Variants in CASP4 observed in about 807,000 individuals in gnomAD.
CASP4 encodes the protein caspase-4.
A neutral mutation model predicts 41.3 loss-of-function variants in CASP4; 29 were observed. The observed-to-expected ratio is 0.70, with a 90% CI of 0.52 to 0.96. The LOEUF (loss-of-function observed/expected upper bound fraction) is 0.96. Ranked by LOEUF, CASP4 falls within the 40% of genes least tolerant of loss-of-function variation. The pLI is 0.00. For synonymous variants in CASP4, 185 were observed against 158.4 expected, an observed-to-expected ratio of 1.17 and a Z score of -1.26; for missense variants, 447 against 460.6, an observed-to-expected ratio of 0.97 and a Z score of 0.27.
At chr11:104,943,187 C>T (rs1860366661) in intron 8 of CASP4, 1 of 328,120 alleles carries the variant, frequency 3.0e-6, no homozygotes, top group South Asian at 2.6e-5. Flanking sequence ...ACTAGAAAGG[C>T]TTCCTGTCTC....
chr11:104,967,744 C>T (rs1944900), intron 1 of CASP4, among the ~76,000 whole-genome samples: 39,946 of 151,914 alleles, frequency 0.26, 6,593 homozygotes, highest in African/African-American at 0.46. Context: ...CAGATTGCTG[C>T]GATATGTTAT....
At chr11:104,949,882 G>A (rs568311553) in intron 4 of CASP4, 105 bp from the exon 5 acceptor site, 18 of 1,061,932 alleles carry the variant, frequency 1.7e-5, no homozygotes, top group African/African-American at 3.1e-5. Context: ...CATCCAGGTC[G>A]TGGTGCTTCA....
intron 2 of CASP4, 136 bp downstream of exon 2, chr11:104,954,611 G>A: frequency 1.2e-6 from 1 of 856,394 alleles, no homozygotes; most frequent in Non-Finnish European, 1.8e-6. Context: ...GTCTCTAAAA[G>A]GACAAAGATA....
chr11:104,957,500 A>G (rs1400384938), intron 1 of CASP4, among the ~76,000 whole-genome samples: 1 of 152,138 alleles, frequency 6.6e-6, no homozygotes, highest in African/African-American at 2.4e-5. Context: ...TAAGCCCAGG[A>G]ATTTGAGATT....
At chr11:104,949,810 G>A in intron 4 of CASP4, 33 bp from the exon 5 acceptor site, 1 of 1,596,566 alleles carries the variant, frequency 6.3e-7, no homozygotes, top group Non-Finnish European at 8.6e-7. Context: ...TTCAGTCAGA[G>A]AAGCATCACA....
At chr11:104,947,293 G>T in intron 6 of CASP4, 101 bp from the exon 7 acceptor site, 1 of 649,962 alleles carries the variant, frequency 1.5e-6, no homozygotes. Context: ...AGCATAGCTT[G>T]GGAATTATCT....
chr11:104,959,734 A>T (rs61507316), intron 1 of CASP4, among the ~76,000 whole-genome samples: 2,645 of 152,234 alleles, frequency 0.017, 87 homozygotes, highest in African/African-American at 0.061. Flanking sequence ...TACTCCAAGT[A>T]CAAAAGAGCA....
chr11:104,968,043 C>T (rs1236700430), intron 1 of CASP4, among the ~76,000 whole-genome samples: 1 of 151,798 alleles, frequency 6.6e-6, no homozygotes, highest in African/African-American at 2.4e-5. Flanking sequence ...AGTATCAGGA[C>T]CAACGAGAAA....
chr11:104,952,797 G>A (rs954225779), intron 2 of CASP4, among the ~76,000 whole-genome samples: 1 of 152,174 alleles, frequency 6.6e-6, no homozygotes, highest in Non-Finnish European at 1.5e-5. Flanking sequence ...CAGCCAGTCT[G>A]AGCTCTGGAG....
At chr11:104,950,534 C>T (rs1860581552) in intron 4 of CASP4, among the ~76,000 whole-genome samples, 1 of 152,026 alleles carries the variant, frequency 6.6e-6, no homozygotes, top group Non-Finnish European at 1.5e-5. Context: ...GTCTCATTTA[C>T]AGACCTATTC....
In CASP4 at chr11:104,954,972, C is replaced by G. The variant is rs750903321; in HGVS notation, c.37G>C (p.Val13Leu). Residue 13 changes from valine to leucine, a missense_variant, in exon 2 of 9, where the codon GTG (valine) becomes CTG (leucine). Transcript: ENST00000444739. ...EGNHRKKPLK[V>L]LESLGKDFLT... ...AAATCTTTGCCCAGGGATTCCAACACCTTAAGTGGCTTTTTTCTGTGGTTG... is the reference window on the plus strand; with the variant it reads ...AAATCTTTGCCCAGGGATTCCAACAGCTTAAGTGGCTTTTTTCTGTGGTTG... 6.2e-7 allele frequency: 1 copy of G among 1,613,346 alleles called. No homozygotes were observed. Among genetic ancestry groups the G allele is most frequent in the Non-Finnish European group, 8.5e-7 (1 of 1,179,646 alleles).
intron 1 of CASP4, among the ~76,000 whole-genome samples, chr11:104,957,238 A>G (rs1325686164): frequency 1.3e-5 from 2 of 152,180 alleles, no homozygotes; most frequent in Non-Finnish European, 2.9e-5. Flanking sequence ...ACATACAAAA[A>G]TCTGTAGTGT....
In CASP4 at chr11:104,947,096, T is replaced by C; in HGVS notation, c.1022A>G (p.Glu341Gly). 6.2e-7 allele frequency: 1 copy of C among 1,603,666 alleles called. No individual in the cohort carries two copies. The highest frequency in any genetic ancestry group is 8.5e-7 in the Non-Finnish European group (1 of 1,170,916). The change falls in exon 7 of 9, where the codon GAA (glutamate) becomes GGA (glycine). Residue 341 changes from glutamate to glycine, a missense_variant. Glu to Gly is a moderately conservative substitution (Grantham distance 98). Coordinates refer to ENST00000444739, the MANE Select transcript of CASP4 (RefSeq NM_001225.4). The part of the protein sequence containing the change: ...QKYSWCCHLE[E>G]VFRKVQQSFE... Reference sequence around the variant, plus strand: ...AGAGACACTTACCTTCCGAAATACTTCCTCTAGGTGGCAGCACCAAGAATA... The same window carrying C: ...AGAGACACTTACCTTCCGAAATACTCCCTCTAGGTGGCAGCACCAAGAATA...
intron 1 of CASP4, among the ~76,000 whole-genome samples, chr11:104,966,654 G>A (rs1020219050): frequency 4.6e-5 from 7 of 152,110 alleles, no homozygotes; most frequent in East Asian, 1.9e-4. Context: ...AGGGTGTCTC[G>A]TGTAACCAGA....
chr11:104,955,863 T>C lies in CASP4; in HGVS notation c.8-862A>G, dbSNP rs1310585509. Among the ~76,000 whole-genome samples the C allele has an allele frequency of 2.0e-5, 3 of 152,118 alleles. No homozygotes were observed. The East Asian group carries it at 5.8e-4, about 29-fold the overall frequency. Reference sequence around the variant, plus strand: ...TCAATCAATGCTACAAAGATAATTATACAATCCATGTAGATGTAAGGATAG... The same window carrying C: ...TCAATCAATGCTACAAAGATAATTACACAATCCATGTAGATGTAAGGATAG... On this transcript the variant is annotated intron_variant, in intron 1 of 8. Transcript: ENST00000444739.
intron 4 of CASP4, among the ~76,000 whole-genome samples, chr11:104,950,433 T>C (rs1202142179): frequency 6.6e-6 from 1 of 152,152 alleles, no homozygotes; most frequent in Non-Finnish European, 1.5e-5. Context: ...GACACACATA[T>C]GCACACCTGG....
At chr11:104,951,403 TGTC>T (rs1056084691) in intron 3 of CASP4, 26 of 265,674 alleles carry the variant, frequency 9.8e-5, no homozygotes, top group African/African-American at 5.1e-4. Context: ...AACGAGATGT[TGTC>T]GTTGACTCCA....
At chr11:104,963,813 G>T (rs923168363) in intron 1 of CASP4, among the ~76,000 whole-genome samples, 3 of 152,104 alleles carry the variant, frequency 2.0e-5, no homozygotes, top group African/African-American at 7.2e-5. Flanking sequence ...TTCCTTTTGG[G>T]GATCTGGGAT....
At chr11:104,955,120 G>A in intron 1 of CASP4, 119 bp from the exon 2 acceptor site, 2 of 988,794 alleles carry the variant, frequency 2.0e-6, no homozygotes, top group East Asian at 2.5e-5. Flanking sequence ...TTCACCATCT[G>A]TCTTCTTGTA....
Sources: allele counts gnomAD v4.1 joint callset (sites outside exome capture counted in the v4.1 genomes callset), GRCh38; gene constraint gnomAD v4.1.1; transcripts MANE v1.5; gene names NCBI Gene and HGNC (gene_info 2026-07-23, HGNC 2026-07-21).